SEL1L3: variants seen among roughly 807,000 people sequenced by gnomAD.
The protein encoded by SEL1L3 is protein sel-1 homolog 3.
A neutral mutation model predicts 142.8 loss-of-function variants in SEL1L3; 76 were observed. The observed-to-expected ratio is 0.53, with a 90% confidence interval of 0.44 to 0.64. The LOEUF (loss-of-function observed/expected upper bound fraction) is 0.64. Among genes scored for constraint, SEL1L3 ranks in the 30% least tolerant of loss-of-function variants. SEL1L3 has a pLI of 0.00. For synonymous variants in SEL1L3, 504 were observed against 519.6 expected (o/e 0.97, Z 0.41); for missense variants, 1,262 against 1,381.7 (o/e 0.91, Z 1.37).
At chr4:25,734,598 TCA>T in the SEL1L3 span, among the ~76,000 whole-genome samples, 7 of 152,136 alleles carry the variant, frequency 4.6e-5, no homozygotes, top group Non-Finnish European at 1.0e-4. Flanking sequence ...TGAGACAGTC[TCA>T]CTCTGTTTCC....
At chr4:25,814,308 G>C (rs1318882239) in intron 9 of SEL1L3, among the ~76,000 whole-genome samples, 1 of 152,090 alleles carries the variant, frequency 6.6e-6, no homozygotes, top group African/African-American at 2.4e-5. Flanking sequence ...GGCTCGTAGG[G>C]GGCACTCAGT....
intron 9 of SEL1L3, among the ~76,000 whole-genome samples, chr4:25,811,860 G>A (rs763095204): frequency 3.3e-5 from 5 of 150,940 alleles, no homozygotes; most frequent in African/African-American, 9.7e-5. Flanking sequence ...TGGTTTAACC[G>A]GAATTTAAAA....
intron 2 of SEL1L3, 48 bp downstream of exon 2, chr4:25,847,246 C>G: frequency 6.8e-7 from 1 of 1,470,498 alleles, no homozygotes; most frequent in Non-Finnish European, 9.3e-7. Flanking sequence ...ATGATACAGG[C>G]TATCTGAAAA....
intron 11 of SEL1L3, among the ~76,000 whole-genome samples, chr4:25,791,962 G>A (rs192829913): frequency 6.6e-5 from 10 of 150,780 alleles, no homozygotes; most frequent in African/African-American, 2.4e-4. Context: ...CTGCAGCCCC[G>A]TTCCTCAGAA....
chr4:25,721,552 C>G, the SEL1L3 span, among the ~76,000 whole-genome samples: 1 of 152,146 alleles, frequency 6.6e-6, no homozygotes, highest in Non-Finnish European at 1.5e-5. Flanking sequence ...CTGGGGGTGT[C>G]TCAGAATTGC....
chr4:25,749,549 C>G (rs1047212766), intron 23 of SEL1L3, among the ~76,000 whole-genome samples: 1 of 152,194 alleles, frequency 6.6e-6, no homozygotes, highest in Non-Finnish European at 1.5e-5. Flanking sequence ...CACAAGCCCC[C>G]CACAGCCCGG....
At chr4:25,860,833 C>T (rs1717654844) in intron 1 of SEL1L3, among the ~76,000 whole-genome samples, 1 of 152,170 alleles carries the variant, frequency 6.6e-6, no homozygotes, top group South Asian at 2.1e-4. Flanking sequence ...TTACTCTTTC[C>T]GGAGCCCTTC....
In SEL1L3 at chr4:25,757,672, G is replaced by A; in HGVS notation, c.3186+16C>T. ...CAGGGGCCACAAGGGTGGGGCCGGT[G>A]GGACATGAAACCTACCAGGGCTGAG... On this transcript the variant is annotated intron_variant, in intron 22 of 23. Transcript: ENST00000399878. 6.3e-7 allele frequency: 1 copy of A among 1,575,572 alleles called. No homozygotes were observed. The highest frequency in any genetic ancestry group is 8.6e-7 in the Non-Finnish European group (1 of 1,160,548).
At chr4:25,830,894 TA>T (rs1225256679) in intron 5 of SEL1L3, among the ~76,000 whole-genome samples, 1 of 152,230 alleles carries the variant, frequency 6.6e-6, no homozygotes, top group African/African-American at 2.4e-5. Context: ...GTTGTTTGCC[TA>T]AACCAACCAT....
At chr4:25,803,781 GT>G (rs60211194) in intron 10 of SEL1L3, among the ~76,000 whole-genome samples, 62 of 146,204 alleles carry the variant, frequency 4.2e-4, no homozygotes, top group African/African-American at 8.0e-4. Context: ...TTTTTTATAT[GT>G]TTTTTTTTTT....
intron 23 of SEL1L3, chr4:25,756,315 T>A (rs1374569783): frequency 4.1e-6 from 4 of 984,804 alleles, no homozygotes; most frequent in Non-Finnish European, 4.8e-6. Flanking sequence ...CTACTATGCA[T>A]GAGTTATCAC....
downstream of SEL1L3, chr4:25,747,361 A>C (rs1717306256): frequency 6.6e-6 from 1 of 152,152 alleles, no homozygotes; most frequent in Non-Finnish European, 1.5e-5. Context: ...CTCAAGGAGA[A>C]TATATGGACC....
chr4:25,749,972 G>A (rs947386339), intron 23 of SEL1L3, among the ~76,000 whole-genome samples: 4 of 152,166 alleles, frequency 2.6e-5, no homozygotes, highest in Non-Finnish European at 5.9e-5. Flanking sequence ...CGTGGCTCAC[G>A]CCTGTAATCC....
rs543989872 is a variant in SEL1L3, at chr4:25,749,521, G to T, written c.3260-957C>A. On this transcript the variant is annotated intron_variant, in intron 23 of 23. Transcript: ENST00000399878. ...TGTGAGGACTCCCCTTCTTCCACTG[G>T]GGGGTTTGCAATCACTGCACAAGCC... Among the ~76,000 whole-genome samples the T allele has an allele frequency of 3.3e-5, 5 of 152,274 alleles. No homozygotes were observed. In the East Asian group the frequency reaches 9.6e-4, roughly 29 times the overall value.
intron 5 of SEL1L3, among the ~76,000 whole-genome samples, chr4:25,831,616 C>G (rs1404778730): frequency 6.6e-6 from 1 of 151,244 alleles, no homozygotes; most frequent in East Asian, 1.9e-4. Context: ...ACCTCCGCCT[C>G]CCGGATTCAA....
chr4:25,732,917 T>C, the SEL1L3 span, among the ~76,000 whole-genome samples: 1 of 152,162 alleles, frequency 6.6e-6, no homozygotes, highest in Non-Finnish European at 1.5e-5. Flanking sequence ...GGCTAATTTT[T>C]ATATTTTCAG....
chr4:25,739,224 AAAC>A, the SEL1L3 span, among the ~76,000 whole-genome samples: 5 of 151,852 alleles, frequency 3.3e-5, no homozygotes, highest in Admixed American at 6.6e-5. Context: ...AGAAAAACAA[AAAC>A]AACAACAACA....
chr4:25,847,154 C>T, intron 2 of SEL1L3, 140 bp downstream of exon 2: 1 of 683,598 alleles, frequency 1.5e-6, no homozygotes, highest in East Asian at 2.7e-5. Flanking sequence ...CTTCAAACTC[C>T]AAAGTTACAG....
intron 6 of SEL1L3, among the ~76,000 whole-genome samples, chr4:25,824,580 G>C (rs910128467): frequency 1.3e-5 from 2 of 152,102 alleles, no homozygotes; most frequent in African/African-American, 4.8e-5. Context: ...TTGGACTTTG[G>C]CTCCCACATC....
Sources: allele counts gnomAD v4.1 joint callset (sites outside exome capture counted in the v4.1 genomes callset), GRCh38; gene constraint gnomAD v4.1.1; transcripts MANE v1.5; gene names NCBI Gene and HGNC (gene_info 2026-07-23, HGNC 2026-07-21).